The following INSC variants were observed in gnomAD, a reference collection of about 807,000 sequenced individuals.
INSC encodes the protein protein inscuteable homolog.
A neutral mutation model predicts 58.6 loss-of-function variants in INSC; 67 were observed. That is an observed-to-expected ratio of 1.14 (90% CI 0.94 to 1.40). INSC has a LOEUF of 1.40. INSC is among the 40% of genes most tolerant of loss of function. INSC has a pLI of 0.00. For synonymous variants in INSC, 262 were observed against 276.1 expected, an observed-to-expected ratio of 0.95 and a Z score of 0.51; for missense variants, 714 against 692.0, an observed-to-expected ratio of 1.03 and a Z score of -0.36.
In INSC at chr11:15,225,844, G is replaced by A. The variant is rs757290610; in HGVS notation, c.1170+16G>A. 2.9e-5 allele frequency: 46 copies of A among 1,607,526 alleles called. No homozygotes were observed. Among genetic ancestry groups the A allele is most frequent in the Non-Finnish European group, 3.9e-5 (46 of 1,177,046 alleles). ...TCGGGACCAGGTAAGACGCCCAGAA[G>A]GCACTGAGCACAGGGCCCATAGCCA... On this transcript the variant is annotated intron_variant, in intron 9 of 12. Coordinates refer to ENST00000379556, the MANE Select transcript of INSC (RefSeq NM_001042536.3).
chr11:15,265,787 A>G, the INSC span, among the ~76,000 whole-genome samples: 6 of 143,058 alleles, frequency 4.2e-5, no homozygotes, highest in African/African-American at 1.3e-4. Context: ...ATTTTTCGGT[A>G]TGGTAGGTAT....
At position 15,147,755 on chromosome 11, in the gene INSC, AC is replaced by A. The variant is rs542965206; in HGVS notation, c.-45-1372del. Among the ~76,000 whole-genome samples, 24 of 152,282 alleles carry A rather than the reference AC, an allele frequency of 1.6e-4. No homozygotes were observed. In the East Asian group the frequency reaches 3.9e-3, roughly 24 times the overall value. ...CAGCAAGTCTCTGGAATTATCTAGC[AC>A]CCTAGTTTATTCTGGGCTCCTGCCT... On this transcript the variant is annotated intron_variant, in intron 1 of 12. Transcript: ENST00000379556.
rs541291685 is a variant in INSC at position 15,123,855 on chromosome 11, A to T, written c.-46+8852A>T. Among the ~76,000 whole-genome samples, 7 of 152,300 alleles carry T rather than the reference A, an allele frequency of 4.6e-5. No individual in the cohort carries two copies. In the East Asian group the frequency reaches 1.4e-3, roughly 29 times the overall value. On this transcript the variant is annotated intron_variant, in intron 1 of 12. Coordinates refer to ENST00000379556, the MANE Select transcript of INSC (RefSeq NM_001042536.3). Reference sequence around the variant, plus strand: ...TACAATTCTATGGAAGACTCCTTGGAACAAATGATTCACATTTGTCAGGAG... The same window carrying T: ...TACAATTCTATGGAAGACTCCTTGGTACAAATGATTCACATTTGTCAGGAG...
intron 7 of INSC, among the ~76,000 whole-genome samples, chr11:15,219,755 C>T (rs1366485996): frequency 6.6e-6 from 1 of 152,172 alleles, no homozygotes; most frequent in African/African-American, 2.4e-5. Flanking sequence ...CACTAATGAT[C>T]CTATAGCTTC....
chr11:15,180,971 T>C (rs1849757527), intron 5 of INSC, among the ~76,000 whole-genome samples: 1 of 152,220 alleles, frequency 6.6e-6, no homozygotes, highest in Non-Finnish European at 1.5e-5. Flanking sequence ...GTTGTAAGCA[T>C]GTGTTTCTTA....
At chr11:15,218,568 A>C (rs551165571) in intron 7 of INSC, among the ~76,000 whole-genome samples, 17 of 152,206 alleles carry the variant, frequency 1.1e-4, no homozygotes, top group Middle Eastern at 3.4e-3. Context: ...CTCTCTATAT[A>C]TATATATGTA....
intron 7 of INSC, among the ~76,000 whole-genome samples, chr11:15,205,589 G>C (rs1340664642): frequency 6.6e-6 from 1 of 152,210 alleles, no homozygotes; most frequent in African/African-American, 2.4e-5. Flanking sequence ...TTAGGGTCTG[G>C]TGGGGAAGGG....
chr11:15,267,876 A>G, the INSC span, among the ~76,000 whole-genome samples: 1 of 151,936 alleles, frequency 6.6e-6, no homozygotes, highest in Non-Finnish European at 1.5e-5. Context: ...ATATTTTTGA[A>G]CTTTGTGTGG....
intron 2 of INSC, among the ~76,000 whole-genome samples, chr11:15,171,525 G>A (rs554790435): frequency 6.6e-6 from 1 of 152,222 alleles, no homozygotes; most frequent in South Asian, 2.1e-4. Context: ...CCTCACCCTG[G>A]AATATGCTCT....
chr11:15,116,873 C>T lies in INSC; in HGVS notation c.-46+1870C>T, dbSNP rs200661507. On this transcript the variant is annotated intron_variant, in intron 1 of 12. Coordinates refer to ENST00000379556, the MANE Select transcript of INSC (RefSeq NM_001042536.3). ...TCTCTCTCTCTCTCTCTCTCTCTCTCTCTCCCCCTCCCTCCCTCCCTCCCT... is the reference window on the plus strand; with the variant it reads ...TCTCTCTCTCTCTCTCTCTCTCTCTTTCTCCCCCTCCCTCCCTCCCTCCCT... 1.5e-3 allele frequency among the ~76,000 whole-genome samples: 73 copies of T among 49,844 alleles called. 1 individual carries two copies. The highest frequency in any genetic ancestry group is 4.8e-3 in the African/African-American group (48 of 10,000). 32.7% of individuals were successfully genotyped at this position (49,844 alleles called of 152,430 possible). A position where few individuals can be genotyped will look rare whatever the true frequency, so the allele number is the denominator to read the frequency against.
chr11:15,160,737 T>C (rs779839839), intron 2 of INSC, among the ~76,000 whole-genome samples: 5 of 152,224 alleles, frequency 3.3e-5, no homozygotes, highest in Admixed American at 2.6e-4. Context: ...GATGTACACA[T>C]TGGCTCATAA....
At chr11:15,222,827 C>G (rs1851496596) in intron 8 of INSC, among the ~76,000 whole-genome samples, 1 of 152,164 alleles carries the variant, frequency 6.6e-6, no homozygotes, top group Admixed American at 6.5e-5. Flanking sequence ...CACATTTATT[C>G]AAAATTGAGA....
At chr11:15,233,596 T>G (rs1412254134) in intron 9 of INSC, among the ~76,000 whole-genome samples, 1 of 152,220 alleles carries the variant, frequency 6.6e-6, no homozygotes, top group Non-Finnish European at 1.5e-5. Flanking sequence ...TAAATTAGTC[T>G]GACACAAAGA....
At chr11:15,155,799 A>G (rs570057516) in intron 2 of INSC, among the ~76,000 whole-genome samples, 2 of 152,392 alleles carry the variant, frequency 1.3e-5, no homozygotes, top group African/African-American at 4.8e-5. Context: ...AAGAATAGGC[A>G]TAGATTTCCA....
the INSC span, among the ~76,000 whole-genome samples, chr11:15,261,974 C>T: frequency 6.6e-6 from 1 of 152,068 alleles, no homozygotes; most frequent in East Asian, 1.9e-4. Context: ...AACAGTGGAA[C>T]TGGACCTCAG....
rs61745094 is a variant in INSC at position 15,176,084 on chromosome 11, G to A, written c.400G>A (p.Glu134Lys). The part of the protein sequence containing the change: ...VSRNSLKEMG[E>K]IEKLLMEKCS... Reference sequence around the variant, plus strand: ...CAGGAACTCCTTGAAGGAAATGGGCGAGGTCAGCTGCCCTGGGATAGGAGT... The same window carrying A: ...CAGGAACTCCTTGAAGGAAATGGGCAAGGTCAGCTGCCCTGGGATAGGAGT... Residue 134 changes from glutamate to lysine, a missense_variant and splice_region_variant, in exon 3 of 13, where the codon GAG (glutamate) becomes AAG (lysine). Transcript: ENST00000379556. The A allele has an allele frequency of 4.6e-6, 7 of 1,511,788 alleles. No homozygotes were observed. Among genetic ancestry groups the A allele is most frequent in the Admixed American group, 2.0e-5 (1 of 49,714 alleles). The allele number at this position is 1,511,788 out of a possible 1,614,324, so 93.6% of individuals were successfully genotyped here. A position where few individuals can be genotyped will look rare whatever the true frequency, so the allele number is the denominator to read the frequency against.
the INSC span, among the ~76,000 whole-genome samples, chr11:15,266,498 G>A: frequency 1.3e-5 from 2 of 151,898 alleles, no homozygotes; most frequent in African/African-American, 4.8e-5. Flanking sequence ...TTCTTAAGTG[G>A]GTAGAATGAG....
At chr11:15,194,150 G>A (rs1000622487) in intron 6 of INSC, among the ~76,000 whole-genome samples, 6 of 152,190 alleles carry the variant, frequency 3.9e-5, no homozygotes, top group African/African-American at 1.2e-4. Flanking sequence ...GACACTTAGA[G>A]CAAATATAGG....
At chr11:15,148,703 G>A (rs896824961) in intron 1 of INSC, among the ~76,000 whole-genome samples, 9 of 152,190 alleles carry the variant, frequency 5.9e-5, no homozygotes, top group African/African-American at 2.2e-4. Flanking sequence ...TTCTACAGTG[G>A]TAACAGCCAG....
Sources: gnomAD v4.1 joint callset for allele counts (sites outside exome capture counted in the v4.1 genomes callset) on GRCh38, gnomAD v4.1.1 for gene constraint, MANE v1.5 for transcripts, NCBI Gene and HGNC (gene_info 2026-07-23, HGNC 2026-07-21) for gene names.